NGF: variants seen among roughly 807,000 people sequenced by gnomAD.
NGF encodes the protein nerve growth factor, also known as beta-nerve growth factor.
NGF carries 4 observed loss-of-function variants against 12.8 expected under a neutral mutation model. The ratio of observed to expected loss-of-function variants is 0.31; its 90% CI spans 0.15 to 0.72. The LOEUF (loss-of-function observed/expected upper bound fraction) is 0.72, where lower values mean the gene tolerates loss of function less well. NGF is among the 30% of genes least tolerant of loss of function. The pLI is 0.69. For missense variants in NGF, 283 were observed against 330.8 expected, an observed-to-expected ratio of 0.86 and a Z score of 1.12; for synonymous variants, 140 against 130.0, an observed-to-expected ratio of 1.08 and a Z score of -0.52.
chr1:115,320,254 T>A (rs1654581437), intron 1 of NGF, among the ~76,000 whole-genome samples: 1 of 152,216 alleles, frequency 6.6e-6, no homozygotes, highest in African/African-American at 2.4e-5. Flanking sequence ...TGCCAAATCC[T>A]ATATACACTA....
rs572785397 is a variant in NGF at position 115,327,911 on chromosome 1, C to T, written c.-137+10293G>A. ...AACTGGCTTGGCGACATTAATTTTA[C>T]AGGCAATAGTGGAATAAGCGGTGGA... On this transcript the variant is annotated intron_variant, in intron 1 of 2. Coordinates refer to ENST00000369512, the MANE Select transcript of NGF (RefSeq NM_002506.3). 1.8e-4 allele frequency among the ~76,000 whole-genome samples: 27 copies of T among 152,310 alleles called. No homozygotes were observed. In the South Asian group the frequency reaches 3.5e-3, roughly 20 times the overall value.
At chr1:115,290,679 A>G (rs1653667934) in intron 2 of NGF, among the ~76,000 whole-genome samples, 1 of 152,120 alleles carries the variant, frequency 6.6e-6, no homozygotes, top group Non-Finnish European at 1.5e-5. Context: ...GGCGTAAGCC[A>G]CCACGCCCTG....
At chr1:115,307,167 A>G (rs1423555698) in intron 1 of NGF, among the ~76,000 whole-genome samples, 1 of 152,180 alleles carries the variant, frequency 6.6e-6, no homozygotes, top group Non-Finnish European at 1.5e-5. Flanking sequence ...GTGAGCTGGG[A>G]TTTGTCTTAC....
rs112292538 is a variant in NGF, at chr1:115,286,166, C to T, written c.630G>A (p.Ala210=). The change falls in exon 3 of 3, where the codon GCG becomes GCA. Residue 210 remains alanine, a synonymous_variant. Transcript: ENST00000369512. ...CAGCCTGCTTGCCATCCATGGTCAG[C>T]GCCTTGACAAAGGTGTGAGTCGTGG... is the stretch of plus-strand genomic sequence containing the variant. ...YCTTTHTFVK[A]LTMDGKQAAW... The T allele has an allele frequency of 8.1e-6, 13 of 1,613,976 alleles. No individual in the cohort carries two copies. The highest frequency in any genetic ancestry group is 3.3e-5 in the Admixed American group (2 of 60,016).
chr1:115,302,983 A>T (rs1187143931), intron 1 of NGF, among the ~76,000 whole-genome samples: 1 of 152,048 alleles, frequency 6.6e-6, no homozygotes, highest in Admixed American at 6.6e-5. Flanking sequence ...AGCTATTTCA[A>T]CTTTTCCTTC....
intron 1 of NGF, among the ~76,000 whole-genome samples, chr1:115,322,526 C>A (rs868499812): frequency 1.3e-5 from 2 of 152,022 alleles, no homozygotes; most frequent in African/African-American, 2.4e-5. Context: ...CACTGTCCCC[C>A]CCTAAATTGT....
intron 1 of NGF, among the ~76,000 whole-genome samples, chr1:115,328,384 A>G (rs1168148352): frequency 6.6e-6 from 1 of 152,162 alleles, no homozygotes; most frequent in Non-Finnish European, 1.5e-5. Flanking sequence ...TCCACTGGGA[A>G]CCAAAGGTCT....
rs1417536184 is a variant in NGF at position 115,286,597 on chromosome 1, T to A, written c.199A>T (p.Thr67Ser). Residue 67 changes from threonine to serine, a missense_variant, in exon 3 of 3, where the codon ACC becomes TCC. Thr to Ser is a moderately conservative substitution (Grantham distance 58, BLOSUM62 1). Coordinates refer to ENST00000369512, the MANE Select transcript of NGF (RefSeq NM_002506.3). The part of the protein sequence containing the change: ...AAIAARVAGQ[T>S]RNITVDPRLF... ...CTGGGGTCCACAGTAATGTTGCGGG[T>A]CTGCCCCGCCACGCGTGCAGCTATC... 1.9e-6 allele frequency: 3 copies of A among 1,614,136 alleles called. No homozygotes were observed. The highest frequency in any genetic ancestry group is 2.5e-6 in the Non-Finnish European group (3 of 1,180,028).
chr1:115,296,974 A>C (rs12082544), intron 1 of NGF, among the ~76,000 whole-genome samples: 12,953 of 152,222 alleles, frequency 0.085, 1,223 homozygotes, highest in African/African-American at 0.23. Flanking sequence ...CAGCTCATTT[A>C]AGGATCATGT....
At chr1:115,333,698 TTTCTTTCTTTCTTTCTTTTCTTTCTTTCC>T (rs1655007972) in intron 1 of NGF, among the ~76,000 whole-genome samples, 3 of 80,372 alleles carry the variant, frequency 3.7e-5, no homozygotes, top group Non-Finnish European at 6.5e-5. Flanking sequence ...TCTTTCTTTC[TTTCTTTCTTTCTTTCTTTTCTTTCTTTCC>T]TTCTTTCTTT....
At chr1:115,314,446 T>A (rs1175975555) in intron 1 of NGF, among the ~76,000 whole-genome samples, 1 of 152,184 alleles carries the variant, frequency 6.6e-6, no homozygotes, top group Non-Finnish European at 1.5e-5. Flanking sequence ...TCAGAAAAAT[T>A]AACAAACCCT....
At chr1:115,302,217 A>G (rs961891448) in intron 1 of NGF, among the ~76,000 whole-genome samples, 1 of 152,174 alleles carries the variant, frequency 6.6e-6, no homozygotes, top group Admixed American at 6.5e-5. Context: ...CCTCCCTTTC[A>G]CTTTGGCTAT....
chr1:115,317,247 A>G (rs942476255), intron 1 of NGF, among the ~76,000 whole-genome samples: 1 of 152,122 alleles, frequency 6.6e-6, no homozygotes, highest in Non-Finnish European at 1.5e-5. Flanking sequence ...TCTGATTTCA[A>G]TAAGCTGGGC....
chr1:115,315,577 T>C (rs773540750), intron 1 of NGF, among the ~76,000 whole-genome samples: 1 of 152,108 alleles, frequency 6.6e-6, no homozygotes, highest in Non-Finnish European at 1.5e-5. Flanking sequence ...ATCAAGAGTT[T>C]AGGTTTGAAA....
At chr1:115,333,829 C>A (rs1655029838) in intron 1 of NGF, among the ~76,000 whole-genome samples, 1 of 143,242 alleles carries the variant, frequency 7.0e-6, no homozygotes, top group African/African-American at 2.6e-5. Flanking sequence ...TTTCTCTCTT[C>A]TCTCTCTCTT....
chr1:115,302,262 G>A (rs1301016359), intron 1 of NGF, among the ~76,000 whole-genome samples: 1 of 152,172 alleles, frequency 6.6e-6, no homozygotes, highest in Non-Finnish European at 1.5e-5. Context: ...GTGCCACACT[G>A]GTGGGCTGAC....
chr1:115,323,537 G>T (rs1377775087), intron 1 of NGF, among the ~76,000 whole-genome samples: 1 of 152,210 alleles, frequency 6.6e-6, no homozygotes, highest in Non-Finnish European at 1.5e-5. Flanking sequence ...AAAGCACACA[G>T]TGCCCAGGCA....
At chr1:115,294,945 A>G (rs899531549) in intron 1 of NGF, among the ~76,000 whole-genome samples, 1 of 152,234 alleles carries the variant, frequency 6.6e-6, no homozygotes, top group African/African-American at 2.4e-5. Flanking sequence ...GGATAAATGA[A>G]TGAATGATTA....
In NGF at chr1:115,309,160, C is replaced by G. The variant is rs1289176631; in HGVS notation, c.-136-15410G>C. ...CCATTCTTTGCACTCTAATAAGACC[C>G]CTTTGTTATGCTGGTTAGAATTACT... On this transcript the variant is annotated intron_variant, in intron 1 of 2. Coordinates refer to ENST00000369512, the MANE Select transcript of NGF (RefSeq NM_002506.3). Among the ~76,000 whole-genome samples the G allele has an allele frequency of 3.3e-5, 5 of 152,096 alleles. No individual in the cohort carries two copies. The East Asian group carries it at 7.7e-4, about 23-fold the overall frequency.
Sources: gnomAD v4.1 joint callset for allele counts (sites outside exome capture counted in the v4.1 genomes callset) on GRCh38, gnomAD v4.1.1 for gene constraint, MANE v1.5 for transcripts, NCBI Gene and HGNC (gene_info 2026-07-23, HGNC 2026-07-21) for gene names.